Variants in TBC1D32 observed in about 807,000 individuals in gnomAD.
TBC1D32 encodes the protein protein broad-minded.
In TBC1D32, 151 loss-of-function variants were observed where a neutral mutation model predicts 170.3. The ratio of observed to expected loss-of-function variants is 0.89; its 90% CI spans 0.78 to 1.01. TBC1D32 has a LOEUF of 1.01. Ranked by LOEUF, TBC1D32 falls within the 50% of genes least tolerant of loss-of-function variation. TBC1D32 has a pLI of 0.00. For missense variants in TBC1D32, 1,464 were observed against 1,457.1 expected (o/e 1.00, Z -0.08); for synonymous variants, 498 against 488.0 (o/e 1.02, Z -0.27).
intron 15 of TBC1D32, among the ~76,000 whole-genome samples, chr6:121,277,215 G>A (rs1008058721): frequency 6.6e-6 from 1 of 152,114 alleles, no homozygotes; most frequent in Non-Finnish European, 1.5e-5. Flanking sequence ...AGGGTTGGGA[G>A]CAGTGGCTCA....
At chr6:121,279,057 T>C (rs1288878475) in intron 15 of TBC1D32, 64 bp downstream of exon 15, 2 of 1,523,614 alleles carry the variant, frequency 1.3e-6, no homozygotes, top group Non-Finnish European at 1.8e-6. Flanking sequence ...AATATATTAT[T>C]AGCAGCTTGT....
At chr6:121,304,091 C>A (rs1563321167) in intron 8 of TBC1D32, among the ~76,000 whole-genome samples, 1 of 140,832 alleles carries the variant, frequency 7.1e-6, no homozygotes. Flanking sequence ...CTAACGCAGA[C>A]CTTCAAATCA....
intron 24 of TBC1D32, among the ~76,000 whole-genome samples, chr6:121,146,452 A>C (rs1432369819): frequency 1.3e-5 from 2 of 152,202 alleles, no homozygotes; most frequent in African/African-American, 4.8e-5. Flanking sequence ...TCAGGAACAC[A>C]TGGAAGCTCT....
intron 3 of TBC1D32, among the ~76,000 whole-genome samples, chr6:121,315,122 A>G (rs1180305472): frequency 1.3e-5 from 2 of 152,220 alleles, no homozygotes; most frequent in Non-Finnish European, 2.9e-5. Context: ...TAGCTGGGAA[A>G]AGAATAAAAA....
At chr6:121,324,411 G>A (rs1380793282) in intron 1 of TBC1D32, among the ~76,000 whole-genome samples, 1 of 152,006 alleles carries the variant, frequency 6.6e-6, no homozygotes, top group Non-Finnish European at 1.5e-5. Context: ...TGTTTAGATA[G>A]TAAATTCTAT....
chr6:121,288,402 GAAGA>G (rs1324617088), intron 12 of TBC1D32, among the ~76,000 whole-genome samples: 1 of 152,146 alleles, frequency 6.6e-6, no homozygotes, highest in African/African-American at 2.4e-5. Flanking sequence ...AGAAAATCTA[GAAGA>G]AATAGATAAA....
intron 31 of TBC1D32, among the ~76,000 whole-genome samples, chr6:121,089,151 T>C (rs1476977086): frequency 6.6e-6 from 1 of 152,166 alleles, no homozygotes; most frequent in East Asian, 1.9e-4. Flanking sequence ...ATTTACATTA[T>C]TTACTTACAC....
At chr6:121,149,737 C>A (rs529183241) in intron 24 of TBC1D32, among the ~76,000 whole-genome samples, 1 of 152,114 alleles carries the variant, frequency 6.6e-6, no homozygotes, top group African/African-American at 2.4e-5. Context: ...CTTTGCTATA[C>A]GGGCTCTCTA....
intron 22 of TBC1D32, among the ~76,000 whole-genome samples, chr6:121,178,861 G>A (rs1788138696): frequency 6.6e-6 from 1 of 152,108 alleles, no homozygotes; most frequent in Non-Finnish European, 1.5e-5. Context: ...AATCTGTAAA[G>A]AACTAAACTC....
At chr6:121,085,725 G>C (rs571714905) in intron 31 of TBC1D32, among the ~76,000 whole-genome samples, 2 of 152,172 alleles carry the variant, frequency 1.3e-5, no homozygotes, top group South Asian at 4.1e-4. Flanking sequence ...CTTAGGACCA[G>C]AGAGTTTATA....
chr6:121,283,006 T>C (rs1803249207), intron 13 of TBC1D32, among the ~76,000 whole-genome samples: 1 of 151,864 alleles, frequency 6.6e-6, no homozygotes, highest in Non-Finnish European at 1.5e-5. Flanking sequence ...GTCAGCTTGT[T>C]ACATGGATAT....
chr6:121,143,932 C>G (rs964814874), intron 24 of TBC1D32, among the ~76,000 whole-genome samples: 5 of 151,908 alleles, frequency 3.3e-5, no homozygotes, highest in Non-Finnish European at 7.4e-5. Flanking sequence ...GTCAGTGACA[C>G]AGATATCAGC....
Position 121,080,330 on chromosome 6 carries a change from G to T in TBC1D32, c.*441C>A. 3.2e-6 allele frequency: 1 copy of T among 310,374 alleles called. No homozygotes were observed. Among genetic ancestry groups the T allele is most frequent in the Non-Finnish European group, 6.7e-6 (1 of 149,372 alleles). The allele number at this position is 310,374 out of a possible 1,614,324, so 19.2% of individuals were successfully genotyped here. A position where few individuals can be genotyped will look rare whatever the true frequency, so the allele number is the denominator to read the frequency against. ...CCTCCCGGGTTCAAGCGATTCTCCT[G>T]CCTCAGCCTCCCAAGTAGCAGGGAC... On this transcript the variant is annotated 3_prime_UTR_variant, in exon 32 of 32. Transcript: ENST00000398212.
Position 121,253,660 on chromosome 6 carries a change from A to C in TBC1D32, c.2018+1668T>G, listed in dbSNP as rs572223392. On this transcript the variant is annotated intron_variant, in intron 17 of 31. Transcript: ENST00000398212. Reference sequence around the variant, plus strand: ...CGTCAATCTGGGAGGCGGAGCTTTCAGTGAGCCGAGATCACTCCACTGCAC... The same window carrying C: ...CGTCAATCTGGGAGGCGGAGCTTTCCGTGAGCCGAGATCACTCCACTGCAC... 2.0e-5 allele frequency among the ~76,000 whole-genome samples: 3 copies of C among 152,178 alleles called. No homozygotes were observed. In the East Asian group the frequency reaches 5.8e-4, roughly 29 times the overall value.
intron 5 of TBC1D32, among the ~76,000 whole-genome samples, chr6:121,306,058 G>A (rs1019014324): frequency 2.0e-5 from 3 of 152,046 alleles, no homozygotes; most frequent in East Asian, 3.8e-4. Context: ...GAAAAAATAC[G>A]GGGAAATTTA....
chr6:121,156,444 T>C (rs1378901075), intron 24 of TBC1D32, among the ~76,000 whole-genome samples: 1 of 152,010 alleles, frequency 6.6e-6, no homozygotes, highest in Non-Finnish European at 1.5e-5. Flanking sequence ...TCTATCTATC[T>C]TGTTTTTCCT....
intron 17 of TBC1D32, among the ~76,000 whole-genome samples, chr6:121,246,792 T>G (rs75478628): frequency 0.024 from 3,571 of 150,810 alleles, 153 homozygotes; most frequent in East Asian, 0.11. Flanking sequence ...ATATGAGAGC[T>G]CAAAGAAAAG....
chr6:121,301,249 A>AT (rs1806429400), intron 9 of TBC1D32, among the ~76,000 whole-genome samples: 1 of 152,194 alleles, frequency 6.6e-6, no homozygotes. Flanking sequence ...ACATATGTTT[A>AT]TTGCAGCACT....
intron 17 of TBC1D32, among the ~76,000 whole-genome samples, chr6:121,242,748 C>T (rs58056179): frequency 0.051 from 7,720 of 151,976 alleles, 371 homozygotes; most frequent in African/African-American, 0.12. Context: ...TTCAAAAGCA[C>T]GTGATAGATA....
Sources: gnomAD v4.1 joint callset for allele counts (sites outside exome capture counted in the v4.1 genomes callset) on GRCh38, gnomAD v4.1.1 for gene constraint, MANE v1.5 for transcripts, NCBI Gene and HGNC (gene_info 2026-07-23, HGNC 2026-07-21) for gene names.